VTI1A: variants seen among roughly 807,000 people sequenced by gnomAD.
VTI1A encodes the protein vesicle transport through interaction with t-SNAREs homolog 1A.
In VTI1A, 22 loss-of-function variants were observed where a neutral mutation model predicts 34.9. That is an observed-to-expected ratio of 0.63 (90% CI 0.45 to 0.90). The LOEUF is 0.90. Ranked by LOEUF, VTI1A falls within the 40% of genes least tolerant of loss-of-function variation. VTI1A has a pLI of 0.00. For missense variants in VTI1A, 268 were observed against 275.6 expected, an observed-to-expected ratio of 0.97 and a Z score of 0.20; for synonymous variants, 87 against 97.3, an observed-to-expected ratio of 0.89 and a Z score of 0.62.
chr10:112,551,281 G>A (rs1486518457), intron 5 of VTI1A, among the ~76,000 whole-genome samples: 3 of 149,084 alleles, frequency 2.0e-5, no homozygotes, highest in African/African-American at 7.4e-5. Flanking sequence ...CTTCACAATG[G>A]AGCTATTTTT....
At chr10:112,840,021 G>A in the VTI1A span, among the ~76,000 whole-genome samples, 1 of 152,092 alleles carries the variant, frequency 6.6e-6, no homozygotes. Context: ...TGAGAGACTG[G>A]ATACACAAAT....
At chr10:112,737,569 C>T (rs1031037448) in intron 7 of VTI1A, 14 of 1,048,152 alleles carry the variant, frequency 1.3e-5, no homozygotes, top group East Asian at 5.5e-5. Context: ...TCCCAGGGGG[C>T]GGCAGGGACA....
intron 5 of VTI1A, among the ~76,000 whole-genome samples, chr10:112,539,387 A>T (rs556692445): frequency 6.6e-6 from 1 of 152,198 alleles, no homozygotes; most frequent in African/African-American, 2.4e-5. Flanking sequence ...ATTCTAGGCA[A>T]CCAAACAGGA....
chr10:112,826,455 CAG>C, the VTI1A span: 1 of 152,224 alleles, frequency 6.6e-6, no homozygotes, highest in African/African-American at 2.4e-5. Context: ...CAATACAGAA[CAG>C]AGTTAGAACC....
intron 5 of VTI1A, among the ~76,000 whole-genome samples, chr10:112,665,683 G>C (rs945378526): frequency 6.6e-6 from 1 of 152,156 alleles, no homozygotes; most frequent in South Asian, 2.1e-4. Flanking sequence ...TTTTCCCCTC[G>C]GCGAACCTGA....
intron 2 of VTI1A, among the ~76,000 whole-genome samples, chr10:112,463,823 T>G (rs534223034): frequency 6.6e-6 from 1 of 152,342 alleles, no homozygotes; most frequent in African/African-American, 2.4e-5. Flanking sequence ...CAAATAAGGC[T>G]TGGCTGATGT....
chr10:112,492,074 G>A (rs551461953), intron 3 of VTI1A, among the ~76,000 whole-genome samples: 2 of 152,254 alleles, frequency 1.3e-5, no homozygotes, highest in Admixed American at 6.5e-5. Flanking sequence ...GATCAAGGTT[G>A]GGCACTGCCT....
chr10:112,690,131 T>C (rs1194332754), intron 7 of VTI1A, among the ~76,000 whole-genome samples: 2 of 138,912 alleles, frequency 1.4e-5, no homozygotes, highest in Non-Finnish European at 3.0e-5. Flanking sequence ...TATTCCAGAG[T>C]GGGGGTATAC....
At chr10:112,484,604 A>G (rs1444302196) in intron 3 of VTI1A, among the ~76,000 whole-genome samples, 1 of 152,002 alleles carries the variant, frequency 6.6e-6, no homozygotes, top group Non-Finnish European at 1.5e-5. Context: ...ATCGATTTTC[A>G]CTTACTTAAT....
At chr10:112,829,728 T>G in the VTI1A span, among the ~76,000 whole-genome samples, 1 of 152,208 alleles carries the variant, frequency 6.6e-6, no homozygotes, top group Non-Finnish European at 1.5e-5. Flanking sequence ...CACTCCAGCC[T>G]GGGCAACAGA....
intron 3 of VTI1A, among the ~76,000 whole-genome samples, chr10:112,512,373 A>T (rs1379267863): frequency 6.6e-6 from 1 of 152,086 alleles, no homozygotes; most frequent in Non-Finnish European, 1.5e-5. Context: ...CTATTCATAT[A>T]CTTTGCCCAC....
intron 7 of VTI1A, among the ~76,000 whole-genome samples, chr10:112,763,317 G>A (rs1228452175): frequency 6.6e-6 from 1 of 151,950 alleles, no homozygotes; most frequent in Non-Finnish European, 1.5e-5. Flanking sequence ...GCAGGCGCCT[G>A]TAGTCCCAGC....
intron 5 of VTI1A, among the ~76,000 whole-genome samples, chr10:112,590,367 T>A (rs898387252): frequency 6.6e-6 from 1 of 152,108 alleles, no homozygotes; most frequent in Non-Finnish European, 1.5e-5. Context: ...TCTCTATATA[T>A]GTTTGTGTAT....
intron 7 of VTI1A, among the ~76,000 whole-genome samples, chr10:112,736,111 G>GTATATATATATATATATATATA (rs372188173): frequency 3.2e-4 from 37 of 116,192 alleles, no homozygotes; most frequent in African/African-American, 6.7e-4. Context: ...ATGTGTGTGT[G>GTATATATATATATATATATATA]TATATATATA....
At chr10:112,750,966 T>G (rs1211994309) in intron 7 of VTI1A, among the ~76,000 whole-genome samples, 1 of 152,214 alleles carries the variant, frequency 6.6e-6, no homozygotes, top group East Asian at 1.9e-4. Context: ...TAAGTAGACA[T>G]CCAGGAAGAG....
intron 5 of VTI1A, among the ~76,000 whole-genome samples, chr10:112,571,247 T>G (rs1490520873): frequency 2.0e-5 from 3 of 152,260 alleles, no homozygotes; most frequent in African/African-American, 7.2e-5. Context: ...TCTTCCCATC[T>G]TGTCTATTCC....
intron 7 of VTI1A, among the ~76,000 whole-genome samples, chr10:112,811,216 A>C (rs1411517578): frequency 6.6e-6 from 1 of 152,140 alleles, no homozygotes; most frequent in African/African-American, 2.4e-5. Flanking sequence ...AGAAGATGTT[A>C]CCACCATCCT....
At chr10:112,514,838 T>C (rs943585713) in intron 3 of VTI1A, among the ~76,000 whole-genome samples, 1 of 152,018 alleles carries the variant, frequency 6.6e-6, no homozygotes, top group Non-Finnish European at 1.5e-5. Context: ...CTATTTTAAC[T>C]ACCAATAATG....
intron 5 of VTI1A, among the ~76,000 whole-genome samples, chr10:112,630,350 C>T (rs976833619): frequency 1.3e-5 from 2 of 152,180 alleles, no homozygotes; most frequent in African/African-American, 4.8e-5. Flanking sequence ...GGTTGGGTCA[C>T]CCCTCCAGCC....
Sources: allele counts gnomAD v4.1 joint callset (sites outside exome capture counted in the v4.1 genomes callset), GRCh38; gene constraint gnomAD v4.1.1; transcripts MANE v1.5; gene names NCBI Gene and HGNC (gene_info 2026-07-23, HGNC 2026-07-21).